Variants in RGS9 observed in about 807,000 individuals in gnomAD.
The protein encoded by RGS9 is regulator of G protein signaling 9, also known as regulator of G-protein signalling 9.
Under a neutral mutation model 102.0 loss-of-function variants are expected in RGS9, and 78 were observed. The ratio of observed to expected loss-of-function variants is 0.76; its 90% CI spans 0.64 to 0.92. The LOEUF is 0.92. RGS9 is among the 40% of genes least tolerant of loss of function. The pLI is 0.00. For missense variants in RGS9, 833 were observed against 866.1 expected (o/e 0.96, Z 0.48); for synonymous variants, 353 against 318.6 (o/e 1.11, Z -1.15).
chr17:65,158,222 A>G (rs1398549110), intron 2 of RGS9, 73 bp from the exon 3 acceptor site: 1 of 1,407,144 alleles, frequency 7.1e-7, no homozygotes, highest in African/African-American at 1.4e-5. Context: ...GAGACCAGTC[A>G]GGCAACAGCG....
intron 1 of RGS9, among the ~76,000 whole-genome samples, chr17:65,142,827 C>G (rs1910209466): frequency 6.6e-6 from 1 of 152,150 alleles, no homozygotes; most frequent in South Asian, 2.1e-4. Context: ...AGGTGCCCCA[C>G]CTGCCCTGCC....
intron 1 of RGS9, 137 bp from the exon 2 acceptor site, chr17:65,153,285 A>G (rs1910648729): frequency 2.6e-6 from 2 of 783,754 alleles, no homozygotes; most frequent in Non-Finnish European, 4.6e-6. Flanking sequence ...CTCAGTGCCC[A>G]CCTGGCTCCT....
At chr17:65,168,000 A>G (rs1911257529) in intron 7 of RGS9, among the ~76,000 whole-genome samples, 200 bp from the exon 8 acceptor site, 1 of 152,136 alleles carries the variant, frequency 6.6e-6, no homozygotes, top group African/African-American at 2.4e-5. Flanking sequence ...GGATTAAAAG[A>G]GTTAATACGT....
At chr17:65,189,732 C>T (rs998886983) in intron 10 of RGS9, among the ~76,000 whole-genome samples, 1 of 152,154 alleles carries the variant, frequency 6.6e-6, no homozygotes, top group South Asian at 2.1e-4. Flanking sequence ...GGGCATTGAG[C>T]TGGGGTGTAC....
intron 14 of RGS9, among the ~76,000 whole-genome samples, chr17:65,202,351 C>T (rs989326185): frequency 6.0e-5 from 9 of 150,960 alleles, no homozygotes; most frequent in African/African-American, 1.5e-4. Context: ...CAAGCTGTCC[C>T]GAATTACAGT....
chr17:65,209,108 T>G (rs545351274), intron 16 of RGS9, among the ~76,000 whole-genome samples: 2 of 152,098 alleles, frequency 1.3e-5, no homozygotes, highest in African/African-American at 4.8e-5. Context: ...ATTTTAGAAG[T>G]TGGGGCAGAC....
intron 17 of RGS9, among the ~76,000 whole-genome samples, chr17:65,224,698 T>A (rs1335234051): frequency 6.6e-6 from 1 of 152,206 alleles, no homozygotes; most frequent in Non-Finnish European, 1.5e-5. Flanking sequence ...GAATGCAGCC[T>A]GGCCATACTC....
At chr17:65,190,146 A>G (rs1332769298) in intron 10 of RGS9, 29 bp from the exon 11 acceptor site, 7 of 1,586,032 alleles carry the variant, frequency 4.4e-6, no homozygotes, top group African/African-American at 2.7e-5. Context: ...AGGGGGTTGA[A>G]TACCTTCTAA....
chr17:65,142,032 G>A (rs1417304913), intron 1 of RGS9, among the ~76,000 whole-genome samples: 1 of 152,174 alleles, frequency 6.6e-6, no homozygotes, highest in African/African-American at 2.4e-5. Context: ...TGAGGTGGAC[G>A]GATCACTAGG....
At position 65,173,912 on chromosome 17, in the gene RGS9, G is replaced by C. The variant is rs141229113; in HGVS notation, c.583-3820G>C. On this transcript the variant is annotated intron_variant, in intron 8 of 18. Transcript: ENST00000262406. The surrounding 1 kb of genome is among the most constrained non-coding windows in gnomAD (Gnocchi z 4.8). ...GAAAGGCAGCCCTCTCACCAGTTTC[G>C]AGGGCAGGGAACTGGAAAAGGACCA... is the stretch of plus-strand genomic sequence containing the variant. Among the ~76,000 whole-genome samples, 2 of 152,204 alleles carry C rather than the reference G, an allele frequency of 1.3e-5. No homozygotes were observed. Among genetic ancestry groups the C allele is most frequent in the African/African-American group, 2.4e-5 (1 of 41,450 alleles).
chr17:65,227,181 T>C (rs1905726224), intron 18 of RGS9, 94 bp from the exon 19 acceptor site: 1 of 1,560,910 alleles, frequency 6.4e-7, no homozygotes, highest in Admixed American at 1.7e-5. Flanking sequence ...ATGCACCTGG[T>C]ATGTTCATCT....
At chr17:65,183,284 A>G (rs1911971152) in intron 9 of RGS9, among the ~76,000 whole-genome samples, 1 of 152,076 alleles carries the variant, frequency 6.6e-6, no homozygotes, top group Non-Finnish European at 1.5e-5. Flanking sequence ...CACCATGCAC[A>G]GCTAATTTTT....
At chr17:65,167,091 C>T (rs1306308480) in intron 7 of RGS9, among the ~76,000 whole-genome samples, 1 of 152,152 alleles carries the variant, frequency 6.6e-6, no homozygotes, top group South Asian at 2.1e-4. Flanking sequence ...ACGGCGGGAT[C>T]ATTAGTGTTA....
intron 7 of RGS9, among the ~76,000 whole-genome samples, chr17:65,167,510 C>T (rs991491782): frequency 1.3e-5 from 2 of 152,126 alleles, no homozygotes; most frequent in Non-Finnish European, 2.9e-5. Context: ...CCATAAATAG[C>T]CTTTTATAGC....
chr17:65,202,444 T>TGTGTGAGAGAGA lies in RGS9; in HGVS notation c.1064+365_1064+366insTGTGAGAGAGAG, dbSNP rs3838367. On this transcript the variant is annotated intron_variant, in intron 14 of 18. Transcript: ENST00000262406. Reference sequence around the variant, plus strand: ...GTGTGTGTGTGTGTGTGTGTGTGTGTGAGAGAGAGAGAGAGAGAGAGAGTG... The same window carrying TGTGTGAGAGAGA: ...GTGTGTGTGTGTGTGTGTGTGTGTGTGTGTGAGAGAGAGAGAGAGAGAGAGAGAGAGAGAGTG... Among the ~76,000 whole-genome samples, 276 of 131,768 alleles carry TGTGTGAGAGAGA rather than the reference T, an allele frequency of 2.1e-3. 2 individuals carry two copies. The highest frequency in any genetic ancestry group is 4.1e-3 in the South Asian group (17 of 4,172). The allele number at this position is 131,768 out of a possible 152,430, so 86.4% of individuals were successfully genotyped here.
intron 8 of RGS9, 106 bp downstream of exon 8, chr17:65,168,387 TGGATCAGCAGGA>T (rs890347545): frequency 2.5e-6 from 2 of 795,962 alleles, no homozygotes; most frequent in African/African-American, 1.7e-5. Context: ...GGGCGAGAAT[TGGATCAGCAGGA>T]GGAGCTGCTC....
chr17:65,160,531 T>C lies in RGS9; in HGVS notation c.313-5T>C. ...AAAGCGTGGTTTCCCTGGTTTCTTT[T>C]GCAGACACCGTATTTCTGGCCCACC... On this transcript the variant is annotated splice_polypyrimidine_tract_variant and splice_region_variant and intron_variant, in intron 4 of 18. Coordinates refer to ENST00000262406, the MANE Select transcript of RGS9 (RefSeq NM_003835.4). 6.2e-7 allele frequency: 1 copy of C among 1,614,238 alleles called. No homozygotes were observed.
chr17:65,210,553 T>C lies in RGS9; in HGVS notation c.1355T>C (p.Leu452Pro), dbSNP rs1442743472. The change falls in exon 17 of 19, where the codon CTG becomes CCG. Residue 452 changes from leucine to proline, a missense_variant. Coordinates refer to ENST00000262406, the MANE Select transcript of RGS9 (RefSeq NM_003835.4). ...CCAAGCCCTGTCATCCTGAGACAGC[T>C]GGAAGAGGAAGCCAAGGCCCGAGAA... ...SSPSPVILRQLEEEAKAREAA... is the reference protein window; with the variant it reads ...SSPSPVILRQPEEEAKAREAA... 2 of 1,614,032 alleles carry C rather than the reference T, an allele frequency of 1.2e-6. No homozygotes were observed. Among genetic ancestry groups the C allele is most frequent in the Non-Finnish European group, 8.5e-7 (1 of 1,180,014 alleles).
chr17:65,211,710 C>A (rs1458323704), intron 17 of RGS9, among the ~76,000 whole-genome samples: 6 of 152,184 alleles, frequency 3.9e-5, no homozygotes, highest in Non-Finnish European at 8.8e-5. Context: ...AGCAAGAGAC[C>A]AGCCTGACCA....
Sources: allele counts gnomAD v4.1 joint callset (sites outside exome capture counted in the v4.1 genomes callset), GRCh38; gene constraint gnomAD v4.1.1; non-coding constraint Gnocchi (gnomAD v3.1); transcripts MANE v1.5; gene names NCBI Gene and HGNC (gene_info 2026-07-23, HGNC 2026-07-21).